ROR1: variants seen among roughly 807,000 people sequenced by gnomAD.
ROR1 encodes the protein ROR family WNT receptor 1.
A neutral mutation model predicts 78.8 loss-of-function variants in ROR1; 19 were observed. The observed-to-expected ratio is 0.24, with a 90% CI of 0.17 to 0.35. The LOEUF is 0.35. Ranked by LOEUF, ROR1 falls within the 10% of genes least tolerant of loss-of-function variation. The pLI is 1.00. For missense variants in ROR1, 917 were observed against 1,177.8 expected (o/e 0.78, Z 3.24); for synonymous variants, 386 against 433.6 (o/e 0.89, Z 1.36).
intron 1 of ROR1, among the ~76,000 whole-genome samples, chr1:63,813,803 A>G (rs540690945): frequency 1.1e-4 from 17 of 152,324 alleles, no homozygotes; most frequent in African/African-American, 3.6e-4. Context: ...TAGAAGTCAT[A>G]TTTGTTTCTT....
At chr1:64,140,041 C>A in intron 5 of ROR1, 68 bp from the exon 6 acceptor site, 1 of 1,414,486 alleles carries the variant, frequency 7.1e-7, no homozygotes, top group Non-Finnish European at 9.8e-7. Context: ...ATCTGATATC[C>A]GTTGACTAGA....
intron 1 of ROR1, among the ~76,000 whole-genome samples, chr1:63,926,404 T>G (rs1443487712): frequency 6.6e-6 from 1 of 152,214 alleles, no homozygotes; most frequent in Non-Finnish European, 1.5e-5. Context: ...ACCATGCTGT[T>G]ACTGTAGCCT....
intron 1 of ROR1, among the ~76,000 whole-genome samples, chr1:63,996,614 A>G (rs781027314): frequency 3.9e-5 from 6 of 152,196 alleles, no homozygotes; most frequent in Non-Finnish European, 8.8e-5. Flanking sequence ...CCTCAATCCC[A>G]TGAACTTAAA....
intron 1 of ROR1, among the ~76,000 whole-genome samples, chr1:63,971,296 T>G (rs1422071337): frequency 6.6e-6 from 1 of 152,200 alleles, no homozygotes; most frequent in Admixed American, 6.5e-5. Flanking sequence ...ATTAATAATA[T>G]TACTTAACCC....
chr1:64,113,185 CTT>C (rs1427208542), intron 4 of ROR1, among the ~76,000 whole-genome samples: 1 of 152,178 alleles, frequency 6.6e-6, no homozygotes. Flanking sequence ...CTTCTACACT[CTT>C]TTATAGTTAT....
At chr1:63,816,678 G>A (rs1003559025) in intron 1 of ROR1, among the ~76,000 whole-genome samples, 1 of 152,194 alleles carries the variant, frequency 6.6e-6, no homozygotes, top group Non-Finnish European at 1.5e-5. Context: ...ATGGGCTAAT[G>A]GTACACACCT....
intron 1 of ROR1, among the ~76,000 whole-genome samples, chr1:63,973,940 CA>C (rs1356256102): frequency 1.3e-5 from 2 of 152,098 alleles, no homozygotes; most frequent in Admixed American, 6.5e-5. Context: ...TACACGGAGA[CA>C]TTTTTTAAAA....
chr1:63,833,990 C>CTTTTTTTTTTT (rs71056008), intron 1 of ROR1, among the ~76,000 whole-genome samples: 1 of 132,020 alleles, frequency 7.6e-6, no homozygotes. Context: ...TCTTCTTCTT[C>CTTTTTTTTTTT]TTTTTTTTTT....
intron 1 of ROR1, among the ~76,000 whole-genome samples, chr1:63,806,583 C>T (rs531409783): frequency 6.6e-6 from 1 of 152,280 alleles, no homozygotes; most frequent in Non-Finnish European, 1.5e-5. Context: ...TCCCAAAGTG[C>T]TGGGATTACA....
At chr1:63,911,800 G>A (rs1265391386) in intron 1 of ROR1, among the ~76,000 whole-genome samples, 2 of 152,138 alleles carry the variant, frequency 1.3e-5, no homozygotes, top group African/African-American at 4.8e-5. Flanking sequence ...GCATTAATAG[G>A]AACACTTGGA....
At chr1:64,131,354 C>T (rs1167715813) in intron 4 of ROR1, among the ~76,000 whole-genome samples, 1 of 152,042 alleles carries the variant, frequency 6.6e-6, no homozygotes, top group East Asian at 1.9e-4. Flanking sequence ...CCCCGGCATT[C>T]CATTTGAAGA....
intron 1 of ROR1, among the ~76,000 whole-genome samples, chr1:63,862,474 C>G (rs917765197): frequency 4.0e-5 from 6 of 151,312 alleles, no homozygotes; most frequent in African/African-American, 1.5e-4. Context: ...TTCACCTTCT[C>G]TGTCTGATCT....
chr1:64,078,130 G>A (rs1457499388), intron 4 of ROR1, among the ~76,000 whole-genome samples: 1 of 152,200 alleles, frequency 6.6e-6, no homozygotes, highest in African/African-American at 2.4e-5. Flanking sequence ...CATTTGCTGT[G>A]TGCCACTCAC....
At chr1:63,812,868 G>A (rs1410330818) in intron 1 of ROR1, among the ~76,000 whole-genome samples, 1 of 152,162 alleles carries the variant, frequency 6.6e-6, no homozygotes, top group Non-Finnish European at 1.5e-5. Context: ...TGAGTCCAGA[G>A]AGGCTGAGTT....
chr1:64,021,625 A>G (rs926636697), intron 2 of ROR1, among the ~76,000 whole-genome samples: 6 of 152,214 alleles, frequency 3.9e-5, no homozygotes, highest in Admixed American at 6.5e-5. Context: ...ATTCAAATCC[A>G]GGCTTTCCTG....
At chr1:63,852,646 G>A (rs1645121487) in intron 1 of ROR1, among the ~76,000 whole-genome samples, 1 of 152,132 alleles carries the variant, frequency 6.6e-6, no homozygotes, top group African/African-American at 2.4e-5. Flanking sequence ...ACTCACTAAT[G>A]CAAACCAGTT....
chr1:63,835,840 G>A (rs1392393224), intron 1 of ROR1, among the ~76,000 whole-genome samples: 2 of 152,216 alleles, frequency 1.3e-5, no homozygotes, highest in Non-Finnish European at 2.9e-5. Flanking sequence ...TCTTGATAGA[G>A]CTTCATTGAG....
At chr1:64,133,684 T>A (rs1649004155) in intron 4 of ROR1, among the ~76,000 whole-genome samples, 1 of 152,234 alleles carries the variant, frequency 6.6e-6, no homozygotes, top group African/African-American at 2.4e-5. Context: ...CTGTGATGAA[T>A]GGCCAAATTC....
intron 1 of ROR1, among the ~76,000 whole-genome samples, chr1:63,999,119 A>C (rs1466040258): frequency 1.3e-5 from 2 of 152,238 alleles, no homozygotes; most frequent in Non-Finnish European, 2.9e-5. Context: ...AAACAGACTA[A>C]TACAGAAATA....
Sources: gnomAD v4.1 joint callset for allele counts (sites outside exome capture counted in the v4.1 genomes callset) on GRCh38, gnomAD v4.1.1 for gene constraint, MANE v1.5 for transcripts, NCBI Gene and HGNC (gene_info 2026-07-23, HGNC 2026-07-21) for gene names.